Variants in PCDH9 observed in about 807,000 individuals in gnomAD.
The protein encoded by PCDH9 is protocadherin-9.
A neutral mutation model predicts 70.6 loss-of-function variants in PCDH9; 24 were observed. That is an observed-to-expected ratio of 0.34 (90% CI 0.25 to 0.48). The LOEUF (loss-of-function observed/expected upper bound fraction) is 0.48, where lower values mean the gene tolerates loss of function less well. PCDH9 is among the 20% of genes least tolerant of loss of function. The pLI is 0.99. For missense variants in PCDH9, 1,281 were observed against 1,503.6 expected (o/e 0.85, Z 2.45); for synonymous variants, 562 against 558.5 (o/e 1.01, Z -0.09).
At chr13:66,811,783 T>A (rs1395387120) in intron 3 of PCDH9, among the ~76,000 whole-genome samples, 1 of 151,118 alleles carries the variant, frequency 6.6e-6, no homozygotes, top group Non-Finnish European at 1.5e-5. Context: ...CTCTCTCTTT[T>A]CCTTCTCTTT....
chr13:66,773,994 T>G (rs150623614), intron 3 of PCDH9, among the ~76,000 whole-genome samples: 3 of 151,950 alleles, frequency 2.0e-5, no homozygotes, highest in African/African-American at 7.2e-5. Flanking sequence ...GCCAGGCTGG[T>G]CTTGAACTCC....
At chr13:66,963,858 A>G (rs1255984482) in intron 2 of PCDH9, among the ~76,000 whole-genome samples, 1 of 152,184 alleles carries the variant, frequency 6.6e-6, no homozygotes, top group African/African-American at 2.4e-5. Flanking sequence ...GAATAGTAAC[A>G]ATTATGATAA....
chr13:66,498,597 TATA>T (rs1959153594), intron 4 of PCDH9, among the ~76,000 whole-genome samples: 1 of 152,190 alleles, frequency 6.6e-6, no homozygotes, highest in South Asian at 2.1e-4. Flanking sequence ...TATATAGTAT[TATA>T]ATGCCATATA....
intron 3 of PCDH9, among the ~76,000 whole-genome samples, chr13:66,848,311 A>T (rs2081248448): frequency 6.6e-6 from 1 of 152,144 alleles, no homozygotes; most frequent in Non-Finnish European, 1.5e-5. Flanking sequence ...TACATTTTTC[A>T]CCTCTGCTTT....
intron 2 of PCDH9, among the ~76,000 whole-genome samples, chr13:67,160,626 CA>C (rs2087931984): frequency 6.6e-6 from 1 of 151,604 alleles, no homozygotes; most frequent in African/African-American, 2.4e-5. Context: ...TGATTCAAGA[CA>C]ACATGCAGGT....
chr13:66,648,508 G>C (rs1041806841), intron 3 of PCDH9, among the ~76,000 whole-genome samples: 1 of 152,028 alleles, frequency 6.6e-6, no homozygotes, highest in African/African-American at 2.4e-5. Context: ...CTGACCTTGG[G>C]GTGCCCCCTA....
At chr13:66,883,450 C>A (rs2139544199) in intron 3 of PCDH9, among the ~76,000 whole-genome samples, 1 of 152,242 alleles carries the variant, frequency 6.6e-6, no homozygotes, top group South Asian at 2.1e-4. Context: ...CTCTGTCTCC[C>A]TTTCTCTAAC....
intron 2 of PCDH9, among the ~76,000 whole-genome samples, chr13:66,934,397 TG>T (rs1357822540): frequency 2.0e-5 from 3 of 151,458 alleles, no homozygotes; most frequent in Non-Finnish European, 4.4e-5. Flanking sequence ...AAAAATTAGC[TG>T]GGTGTGGTGG....
intron 2 of PCDH9, among the ~76,000 whole-genome samples, chr13:67,198,924 A>G (rs533111944): frequency 1.3e-5 from 2 of 151,978 alleles, no homozygotes; most frequent in African/African-American, 4.8e-5. Context: ...TTTTAAAAAA[A>G]GAATACTTAT....
At chr13:67,104,960 A>C (rs1021400350) in intron 2 of PCDH9, among the ~76,000 whole-genome samples, 2 of 152,128 alleles carry the variant, frequency 1.3e-5, no homozygotes, top group Non-Finnish European at 2.9e-5. Flanking sequence ...TCTTCCCTAA[A>C]ATAGTTTTTG....
At chr13:67,027,509 C>A (rs1312680052) in intron 2 of PCDH9, among the ~76,000 whole-genome samples, 5 of 152,140 alleles carry the variant, frequency 3.3e-5, no homozygotes, top group Admixed American at 2.6e-4. Flanking sequence ...CAGGCATGGG[C>A]AAGGACTTCA....
At chr13:66,433,050 T>A (rs942297136) in intron 4 of PCDH9, among the ~76,000 whole-genome samples, 1 of 151,982 alleles carries the variant, frequency 6.6e-6, no homozygotes, top group Admixed American at 6.6e-5. Flanking sequence ...CAGAAGAATA[T>A]TAAAATTCTA....
In PCDH9 at chr13:66,594,065, C is replaced by G. The variant is rs2077071576; in HGVS notation, c.3340+37145G>C. ...CATACCACAGGACTACACAAAATAT[C>G]TATTTGGAAATAGAGCTTCACTAAA... On this transcript the variant is annotated intron_variant, in intron 4 of 4. Coordinates refer to ENST00000377865, the MANE Select transcript of PCDH9 (RefSeq NM_203487.3). Among the ~76,000 whole-genome samples the G allele has an allele frequency of 2.0e-5, 3 of 151,714 alleles. No homozygotes were observed. The South Asian group carries it at 6.2e-4, about 32-fold the overall frequency.
chr13:66,734,042 T>C (rs2079111814), intron 3 of PCDH9, among the ~76,000 whole-genome samples: 2 of 152,150 alleles, frequency 1.3e-5, no homozygotes, highest in South Asian at 4.1e-4. Context: ...CTGGATCTTA[T>C]GGTAAGATTT....
chr13:66,541,489 T>C (rs1261346752), intron 4 of PCDH9, among the ~76,000 whole-genome samples: 1 of 152,154 alleles, frequency 6.6e-6, no homozygotes, highest in African/African-American at 2.4e-5. Context: ...AAAAAAATAT[T>C]CCTTGCCTCT....
chr13:66,591,200 A>G (rs1438511818), intron 4 of PCDH9, among the ~76,000 whole-genome samples: 1 of 151,730 alleles, frequency 6.6e-6, no homozygotes, highest in Non-Finnish European at 1.5e-5. Context: ...TTGTCTTTGA[A>G]TAATTTTGAT....
chr13:66,952,926 C>T (rs2083207412), intron 2 of PCDH9, among the ~76,000 whole-genome samples: 1 of 152,176 alleles, frequency 6.6e-6, no homozygotes, highest in Non-Finnish European at 1.5e-5. Context: ...TCCTTTGTCT[C>T]TTGGCTTCAG....
chr13:66,570,202 T>C (rs754878728), intron 4 of PCDH9, among the ~76,000 whole-genome samples: 13 of 152,132 alleles, frequency 8.5e-5, no homozygotes, highest in Non-Finnish European at 1.9e-4. Flanking sequence ...ATTGTTGAAA[T>C]GACACAGTTT....
At chr13:66,736,035 G>A (rs2079143620) in intron 3 of PCDH9, among the ~76,000 whole-genome samples, 2 of 151,906 alleles carry the variant, frequency 1.3e-5, no homozygotes. Context: ...CTGGAACACT[G>A]TACTTATTCA....
Sources: allele counts gnomAD v4.1 joint callset (sites outside exome capture counted in the v4.1 genomes callset), GRCh38; gene constraint gnomAD v4.1.1; transcripts MANE v1.5; gene names NCBI Gene and HGNC (gene_info 2026-07-23, HGNC 2026-07-21).